The following UNC13C variants were observed in gnomAD, a reference collection of about 807,000 sequenced individuals.
UNC13C encodes the protein unc-13 homolog C.
Under a neutral mutation model 245.4 loss-of-function variants are expected in UNC13C, and 174 were observed. The observed-to-expected ratio is 0.71, with a 90% CI of 0.63 to 0.80. The LOEUF (loss-of-function observed/expected upper bound fraction) is 0.80, where lower values mean the gene tolerates loss of function less well. Ranked by LOEUF, UNC13C falls within the 30% of genes least tolerant of loss-of-function variation. UNC13C has a pLI of 0.00. For synonymous variants in UNC13C, 992 were observed against 895.1 expected, an observed-to-expected ratio of 1.11 and a Z score of -1.93; for missense variants, 2,829 against 2,602.9, an observed-to-expected ratio of 1.09 and a Z score of -1.89.
At chr15:54,603,626 C>T (rs983945556) in intron 30 of UNC13C, among the ~76,000 whole-genome samples, 1 of 152,118 alleles carries the variant, frequency 6.6e-6, no homozygotes, top group Non-Finnish European at 1.5e-5. Flanking sequence ...CTTTAGGAGG[C>T]CAAGGCAGGC....
At position 53,988,216 on chromosome 15, in the gene UNC13C, G is replaced by A. The variant is rs918333004; in HGVS notation, c.-257+9289G>A. ...TTTAGGTATGGGAGGAGGAGGGAAG[G>A]AAGAAACCCTGGTGAATTAAAATGG... On this transcript the variant is annotated intron_variant, in intron 1 of 32. Coordinates refer to ENST00000260323, the MANE Select transcript of UNC13C (RefSeq NM_001080534.3). 9.2e-5 allele frequency among the ~76,000 whole-genome samples: 14 copies of A among 152,008 alleles called. 1 individual carries two copies. The South Asian group carries it at 1.7e-3, about 18-fold the overall frequency.
intron 2 of UNC13C, among the ~76,000 whole-genome samples, chr15:54,082,697 C>T (rs554454368): frequency 1.3e-5 from 2 of 152,182 alleles, no homozygotes; most frequent in East Asian, 3.9e-4. Context: ...CTTAAGGAAC[C>T]GTCGCTTCTT....
At chr15:53,859,127 C>T in the UNC13C span, among the ~76,000 whole-genome samples, 1 of 151,986 alleles carries the variant, frequency 6.6e-6, no homozygotes, top group Non-Finnish European at 1.5e-5. Context: ...TTCACCAAAG[C>T]ATTACCAAAA....
chr15:54,551,481 G>A (rs925531007), intron 28 of UNC13C, among the ~76,000 whole-genome samples: 2 of 152,022 alleles, frequency 1.3e-5, no homozygotes, highest in Admixed American at 6.6e-5. Context: ...CTCTGATCGA[G>A]ATAGAGACTG....
At chr15:53,900,548 G>T in the UNC13C span, among the ~76,000 whole-genome samples, 1 of 152,178 alleles carries the variant, frequency 6.6e-6, no homozygotes, top group East Asian at 1.9e-4. Flanking sequence ...AAACCAGTGA[G>T]ATATGGTGGG....
chr15:53,894,590 T>C, the UNC13C span, among the ~76,000 whole-genome samples: 3 of 152,282 alleles, frequency 2.0e-5, no homozygotes, highest in South Asian at 4.1e-4. Flanking sequence ...ATGGTTGAAG[T>C]TGTAGCTGCT....
At chr15:54,390,226 T>C (rs188709542) in intron 17 of UNC13C, among the ~76,000 whole-genome samples, 1 of 152,256 alleles carries the variant, frequency 6.6e-6, no homozygotes, top group Admixed American at 6.5e-5. Flanking sequence ...GTCTTTTGCA[T>C]GTAATGGCTC....
At chr15:54,412,834 A>C (rs1305820403) in intron 18 of UNC13C, among the ~76,000 whole-genome samples, 1 of 152,134 alleles carries the variant, frequency 6.6e-6, no homozygotes, top group African/African-American at 2.4e-5. Flanking sequence ...TGTTATGTAG[A>C]AATACTGAGA....
intron 1 of UNC13C, among the ~76,000 whole-genome samples, chr15:53,997,601 T>C (rs957785798): frequency 5.3e-5 from 8 of 152,120 alleles, no homozygotes; most frequent in Non-Finnish European, 1.2e-4. Flanking sequence ...TGTTCCAGGA[T>C]CATTTATTGA....
intron 30 of UNC13C, among the ~76,000 whole-genome samples, chr15:54,590,933 C>G (rs2030623235): frequency 6.6e-6 from 1 of 152,108 alleles, no homozygotes. Context: ...GTGGGTTTGT[C>G]ATAGATGGCT....
At chr15:54,038,124 A>ATATATATTTTTTTT in intron 2 of UNC13C, among the ~76,000 whole-genome samples, 10 of 45,034 alleles carry the variant, frequency 2.2e-4, no homozygotes, top group Non-Finnish European at 3.1e-4. Context: ...ATATATATAT[A>ATATATATTTTTTTT]TTTTTTTTTT....
At chr15:54,157,759 C>T (rs941458164) in intron 4 of UNC13C, among the ~76,000 whole-genome samples, 1 of 152,110 alleles carries the variant, frequency 6.6e-6, no homozygotes, top group African/African-American at 2.4e-5. Context: ...GAGATATAGA[C>T]CAATGGAACA....
chr15:54,269,389 G>C (rs1201750155), intron 10 of UNC13C, among the ~76,000 whole-genome samples: 1 of 151,918 alleles, frequency 6.6e-6, no homozygotes, highest in Non-Finnish European at 1.5e-5. Flanking sequence ...TGATTGATAA[G>C]CCAAAAACAA....
chr15:54,460,784 A>G (rs982426645), intron 19 of UNC13C, among the ~76,000 whole-genome samples: 6 of 152,200 alleles, frequency 3.9e-5, no homozygotes, highest in Non-Finnish European at 5.9e-5. Flanking sequence ...TTGAAGCAGA[A>G]GTTCACAAAA....
the UNC13C span, among the ~76,000 whole-genome samples, chr15:53,899,367 C>G: frequency 2.6e-5 from 4 of 152,228 alleles, no homozygotes; most frequent in Admixed American, 2.6e-4. Flanking sequence ...TCCTCTTTGT[C>G]TCAAATCGCT....
At chr15:54,216,386 C>A (rs182959444) in intron 4 of UNC13C, among the ~76,000 whole-genome samples, 109 of 151,918 alleles carry the variant, frequency 7.2e-4, no homozygotes, top group Middle Eastern at 3.4e-3. Flanking sequence ...TGGTAATACA[C>A]AAAACAGAGA....
chr15:54,275,575 C>A (rs931929731), intron 10 of UNC13C, among the ~76,000 whole-genome samples: 1 of 151,886 alleles, frequency 6.6e-6, no homozygotes, highest in Non-Finnish European at 1.5e-5. Context: ...TTATAACAGC[C>A]TACCAGTAAT....
intron 4 of UNC13C, among the ~76,000 whole-genome samples, chr15:54,146,919 T>G (rs941608427): frequency 6.6e-6 from 1 of 152,110 alleles, no homozygotes; most frequent in African/African-American, 2.4e-5. Flanking sequence ...AGCCTGAAAT[T>G]GACTATAATG....
chr15:54,364,951 G>C (rs994123264), intron 17 of UNC13C, among the ~76,000 whole-genome samples: 2 of 152,176 alleles, frequency 1.3e-5, no homozygotes, highest in African/African-American at 4.8e-5. Context: ...TCCATATGTG[G>C]ATGCTTACAC....
Sources: gnomAD v4.1 joint callset for allele counts (sites outside exome capture counted in the v4.1 genomes callset) on GRCh38, gnomAD v4.1.1 for gene constraint, MANE v1.5 for transcripts, NCBI Gene and HGNC (gene_info 2026-07-23, HGNC 2026-07-21) for gene names.